Variants in TRPC4 observed in about 807,000 individuals in gnomAD.
The protein encoded by TRPC4 is transient receptor potential cation channel subfamily C member 4, also known as short transient receptor potential channel 4.
In TRPC4, 49 loss-of-function variants were observed where a neutral mutation model predicts 99.4. The ratio of observed to expected loss-of-function variants is 0.49; its 90% confidence interval spans 0.39 to 0.63. TRPC4 has a LOEUF of 0.63. TRPC4 is among the 20% of genes least tolerant of loss of function. The pLI is 0.00. For missense variants in TRPC4, 898 were observed against 1,152.9 expected (o/e 0.78, Z 3.20); for synonymous variants, 454 against 425.9 (o/e 1.07, Z -0.81).
intron 2 of TRPC4, among the ~76,000 whole-genome samples, chr13:37,777,437 G>A (rs1038007377): frequency 1.3e-4 from 19 of 151,998 alleles, no homozygotes; most frequent in Admixed American, 3.9e-4. Context: ...TCTATCACAG[G>A]ACAGCACTAG....
intron 1 of TRPC4, among the ~76,000 whole-genome samples, chr13:37,787,671 A>G (rs1270520541): frequency 2.0e-5 from 3 of 152,078 alleles, no homozygotes; most frequent in Admixed American, 1.3e-4. Flanking sequence ...TCAAAGTGCA[A>G]TGAACTACTA....
chr13:37,851,309 G>C (rs562424464), intron 1 of TRPC4, among the ~76,000 whole-genome samples: 1 of 152,028 alleles, frequency 6.6e-6, no homozygotes, highest in African/African-American at 2.4e-5. Context: ...TACAATTCTT[G>C]ATACACATTT....
intron 1 of TRPC4, among the ~76,000 whole-genome samples, chr13:37,860,647 AC>A (rs1299827866): frequency 6.6e-6 from 1 of 151,464 alleles, no homozygotes. Flanking sequence ...ACATAATCTT[AC>A]CACAATTTTA....
intron 3 of TRPC4, among the ~76,000 whole-genome samples, chr13:37,737,455 T>C (rs1955433793): frequency 6.6e-6 from 1 of 152,024 alleles, no homozygotes; most frequent in African/African-American, 2.4e-5. Context: ...ATAGACCTTA[T>C]TTACTTATTT....
At chr13:37,787,664 A>C (rs1160229457) in intron 1 of TRPC4, among the ~76,000 whole-genome samples, 1 of 152,098 alleles carries the variant, frequency 6.6e-6, no homozygotes, top group Admixed American at 6.6e-5. Context: ...CATGATGTCA[A>C]AGTGCAATGA....
intron 3 of TRPC4, among the ~76,000 whole-genome samples, chr13:37,728,300 A>C (rs1183736750): frequency 6.6e-6 from 1 of 152,078 alleles, no homozygotes; most frequent in Non-Finnish European, 1.5e-5. Flanking sequence ...AAGATTCCAC[A>C]AAAGAATAGT....
intron 7 of TRPC4, among the ~76,000 whole-genome samples, chr13:37,652,455 C>T (rs888565195): frequency 1.1e-4 from 16 of 152,202 alleles, no homozygotes; most frequent in African/African-American, 3.9e-4. Context: ...ATTGGACAGA[C>T]TGTGCTTTGA....
intron 1 of TRPC4, among the ~76,000 whole-genome samples, chr13:37,786,323 C>CAG (rs1462261674): frequency 2.5e-4 from 32 of 129,136 alleles, no homozygotes; most frequent in Admixed American, 1.1e-3. Context: ...CACACACACA[C>CAG]ACACACACAC....
At chr13:37,640,937 C>G (rs1655550538) in intron 8 of TRPC4, among the ~76,000 whole-genome samples, 1 of 152,216 alleles carries the variant, frequency 6.6e-6, no homozygotes, top group South Asian at 2.1e-4. Context: ...GATTCTATAA[C>G]ATTTCACTAC....
At chr13:37,728,115 T>C (rs1285303210) in intron 3 of TRPC4, among the ~76,000 whole-genome samples, 1 of 151,964 alleles carries the variant, frequency 6.6e-6, no homozygotes, top group African/African-American at 2.4e-5. Context: ...AAAAGCTTTT[T>C]CTCTAAGATT....
intron 1 of TRPC4, among the ~76,000 whole-genome samples, chr13:37,788,699 A>C (rs1957032370): frequency 6.6e-6 from 1 of 151,932 alleles, no homozygotes; most frequent in South Asian, 2.1e-4. Context: ...TCCTTTATCT[A>C]TCACTCTCCC....
intron 8 of TRPC4, among the ~76,000 whole-genome samples, chr13:37,648,254 T>C (rs1951910665): frequency 1.3e-5 from 2 of 152,216 alleles, no homozygotes; most frequent in African/African-American, 4.8e-5. Context: ...CTTATACTTT[T>C]ATAAGCAAGA....
chr13:37,734,863 G>A (rs1054740893), intron 3 of TRPC4, among the ~76,000 whole-genome samples: 2 of 151,956 alleles, frequency 1.3e-5, no homozygotes, highest in African/African-American at 4.8e-5. Context: ...CAGACAAGAA[G>A]GGAGCTAGCA....
intron 9 of TRPC4, 52 bp downstream of exon 9, chr13:37,639,206 A>C: frequency 6.2e-7 from 1 of 1,612,174 alleles, no homozygotes; most frequent in East Asian, 2.2e-5. Context: ...TGAAGGGGGG[A>C]CTGCATTTTA....
chr13:37,760,849 T>C (rs1248355120), intron 2 of TRPC4, among the ~76,000 whole-genome samples: 1 of 151,986 alleles, frequency 6.6e-6, no homozygotes, highest in African/African-American at 2.4e-5. Context: ...GCATCCAGTA[T>C]AAATAATGAT....
chr13:37,760,838 T>C (rs907677375), intron 2 of TRPC4, among the ~76,000 whole-genome samples: 13 of 152,020 alleles, frequency 8.6e-5, no homozygotes, highest in African/African-American at 3.1e-4. Flanking sequence ...TAGTTAGTGA[T>C]GCATCCAGTA....
chr13:37,780,113 T>G (rs996018550), intron 2 of TRPC4, among the ~76,000 whole-genome samples: 1 of 152,038 alleles, frequency 6.6e-6, no homozygotes, highest in Non-Finnish European at 1.5e-5. Context: ...ATCTGGAAAT[T>G]GTTCCCCTGT....
chr13:37,798,970 T>C (rs138096479), intron 1 of TRPC4, among the ~76,000 whole-genome samples: 4,329 of 150,774 alleles, frequency 0.029, 73 homozygotes, highest in Middle Eastern at 0.076. Flanking sequence ...CTGGCTCTGT[T>C]GCCCAGGCTG....
chr13:37,811,403 A>G (rs1268513709), intron 1 of TRPC4, among the ~76,000 whole-genome samples: 1 of 152,166 alleles, frequency 6.6e-6, no homozygotes. Context: ...GGAAAAAGAC[A>G]GACATGATTA....
Sources: allele counts gnomAD v4.1 joint callset (sites outside exome capture counted in the v4.1 genomes callset), GRCh38; gene constraint gnomAD v4.1.1; transcripts MANE v1.5; gene names NCBI Gene and HGNC (gene_info 2026-07-23, HGNC 2026-07-21).